Variants in WASF3 observed in about 807,000 individuals in gnomAD.
The protein encoded by WASF3 is WASP family member 3, also known as actin-binding protein WASF3.
A neutral mutation model predicts 46.6 loss-of-function variants in WASF3; 11 were observed. The ratio of observed to expected loss-of-function variants is 0.24; its 90% CI spans 0.15 to 0.39. The LOEUF (loss-of-function observed/expected upper bound fraction) is 0.39, where lower values mean the gene tolerates loss of function less well. WASF3 is among the 10% of genes least tolerant of loss of function. WASF3 has a pLI of 1.00. For missense variants in WASF3, 576 were observed against 669.8 expected, an observed-to-expected ratio of 0.86 and a Z score of 1.55; for synonymous variants, 242 against 259.7, an observed-to-expected ratio of 0.93 and a Z score of 0.65.
At chr13:26,582,835 T>C (rs1472800983) in intron 1 of WASF3, among the ~76,000 whole-genome samples, 1 of 151,400 alleles carries the variant, frequency 6.6e-6, no homozygotes, top group Non-Finnish European at 1.5e-5. Context: ...AGAGAGAAAA[T>C]CCCTAAGAAA....
At chr13:26,644,947 C>T (rs552841615) in intron 3 of WASF3, among the ~76,000 whole-genome samples, 1 of 152,302 alleles carries the variant, frequency 6.6e-6, no homozygotes, top group African/African-American at 2.4e-5. Context: ...GCTTGGGTGT[C>T]CTCACAGTGA....
chr13:26,539,593 T>C, the WASF3 span, among the ~76,000 whole-genome samples: 1 of 151,774 alleles, frequency 6.6e-6, no homozygotes, highest in Non-Finnish European at 1.5e-5. Flanking sequence ...AAAAAAAAAA[T>C]TGTCCCAGGT....
chr13:26,676,270 A>C (rs1263307680), intron 6 of WASF3, among the ~76,000 whole-genome samples: 1 of 152,244 alleles, frequency 6.6e-6, no homozygotes, highest in Non-Finnish European at 1.5e-5. Flanking sequence ...AACAAGTTAC[A>C]AGCATATTCA....
chr13:26,684,006 CCA>C, intron 9 of WASF3, among the ~76,000 whole-genome samples: 1 of 152,296 alleles, frequency 6.6e-6, no homozygotes, highest in East Asian at 1.9e-4. Flanking sequence ...CTGGAAGTGA[CCA>C]AGCAAGGAGC....
At chr13:26,664,885 G>A in intron 3 of WASF3, 143 bp from the exon 4 acceptor site, 1 of 737,546 alleles carries the variant, frequency 1.4e-6, no homozygotes, top group Non-Finnish European at 2.2e-6. Flanking sequence ...AAGTTCTAAA[G>A]GCCTTGGACT....
At position 26,633,500 on chromosome 13, in the gene WASF3, G is replaced by A. The variant is rs181257195; in HGVS notation, c.-10-8761G>A. ...ATTAAAGGCTTGAGCCACCACAGCC[G>A]GCCGATCTTAGTTATTTCTTGCCTT... On this transcript the variant is annotated intron_variant, in intron 2 of 9. Transcript: ENST00000335327. Among the ~76,000 whole-genome samples, 673 of 151,796 alleles carry A rather than the reference G, an allele frequency of 4.4e-3. 4 individuals are homozygous for A. Among genetic ancestry groups the A allele is most frequent in the Non-Finnish European group, 7.1e-3 (483 of 67,804 alleles).
At chr13:26,646,526 C>G (rs55770595) in intron 3 of WASF3, among the ~76,000 whole-genome samples, 9,384 of 152,174 alleles carry the variant, frequency 0.062, 781 homozygotes, top group African/African-American at 0.18. Flanking sequence ...ACCCCCCACA[C>G]CTGTGTCACT....
At chr13:26,628,230 C>T (rs1881533844) in intron 2 of WASF3, among the ~76,000 whole-genome samples, 1 of 152,146 alleles carries the variant, frequency 6.6e-6, no homozygotes, top group African/African-American at 2.4e-5. Flanking sequence ...GAAAACAAAA[C>T]AAACAAATGT....
At chr13:26,544,642 C>T in the WASF3 span, among the ~76,000 whole-genome samples, 1 of 152,248 alleles carries the variant, frequency 6.6e-6, no homozygotes, top group Non-Finnish European at 1.5e-5. Flanking sequence ...TTTTCACCAT[C>T]TATAGAAGAA....
At chr13:26,592,998 G>A (rs971028574) in intron 1 of WASF3, among the ~76,000 whole-genome samples, 19 of 152,060 alleles carry the variant, frequency 1.2e-4, no homozygotes, top group African/African-American at 4.1e-4. Flanking sequence ...TCAGGAATTG[G>A]TTTTTGGGTT....
At chr13:26,544,461 T>A in the WASF3 span, among the ~76,000 whole-genome samples, 1 of 152,172 alleles carries the variant, frequency 6.6e-6, no homozygotes, top group African/African-American at 2.4e-5. Flanking sequence ...ATGGGGTCAG[T>A]GCTGCTGCTC....
At chr13:26,675,650 C>CTGTGTGTGTGTGTGTG (rs35156420) in intron 6 of WASF3, among the ~76,000 whole-genome samples, 1,994 of 147,030 alleles carry the variant, frequency 0.014, 54 homozygotes, top group African/African-American at 0.046. Context: ...GATGCCATGT[C>CTGTGTGTGTGTGTGTG]TGTGTGTGTG....
intron 3 of WASF3, among the ~76,000 whole-genome samples, chr13:26,645,065 A>G (rs1051704811): frequency 6.6e-6 from 1 of 152,210 alleles, no homozygotes; most frequent in Non-Finnish European, 1.5e-5. Flanking sequence ...AATTTTGGAA[A>G]ACGAAGATAA....
the WASF3 span, among the ~76,000 whole-genome samples, chr13:26,543,740 T>C: frequency 6.6e-6 from 1 of 152,186 alleles, no homozygotes; most frequent in Non-Finnish European, 1.5e-5. Flanking sequence ...TCTTTCAAAA[T>C]CCCGGAATTT....
chr13:26,674,413 T>C (rs1416535928), intron 6 of WASF3, among the ~76,000 whole-genome samples: 3 of 152,218 alleles, frequency 2.0e-5, no homozygotes, highest in Non-Finnish European at 4.4e-5. Flanking sequence ...ACTTTTTTCC[T>C]TTGGTTTTTC....
chr13:26,540,416 C>T, the WASF3 span, among the ~76,000 whole-genome samples: 79 of 152,326 alleles, frequency 5.2e-4, 1 homozygote, highest in African/African-American at 1.8e-3. Context: ...GCATGCTCTT[C>T]TTCCACTGTC....
At chr13:26,652,212 T>G (rs1882333862) in intron 3 of WASF3, among the ~76,000 whole-genome samples, 2 of 152,202 alleles carry the variant, frequency 1.3e-5, no homozygotes, top group South Asian at 4.1e-4. Flanking sequence ...AAATATGCCC[T>G]GCAAACACAA....
the WASF3 span, among the ~76,000 whole-genome samples, chr13:26,549,571 C>T: frequency 6.6e-6 from 1 of 152,152 alleles, no homozygotes; most frequent in East Asian, 1.9e-4. Context: ...GGAACTAAGG[C>T]AACCTTAGGA....
intron 3 of WASF3, among the ~76,000 whole-genome samples, chr13:26,659,614 T>C (rs1350636168): frequency 6.6e-6 from 1 of 151,772 alleles, no homozygotes; most frequent in East Asian, 1.9e-4. Flanking sequence ...CCCTTGGCGG[T>C]TAGGGAGGTC....
Sources: allele counts gnomAD v4.1 joint callset (sites outside exome capture counted in the v4.1 genomes callset), GRCh38; gene constraint gnomAD v4.1.1; transcripts MANE v1.5; gene names NCBI Gene and HGNC (gene_info 2026-07-23, HGNC 2026-07-21).